The following PLCG2 variants were observed in gnomAD, a reference collection of about 807,000 sequenced individuals.
PLCG2 encodes phospholipase C gamma 2.
A neutral mutation model predicts 175.6 loss-of-function variants in PLCG2; 69 were observed. The ratio of observed to expected loss-of-function variants is 0.39; its 90% confidence interval spans 0.32 to 0.48. The LOEUF is 0.48. PLCG2 is among the 20% of genes least tolerant of loss of function. PLCG2 has a pLI of 0.91. For missense variants in PLCG2, 1,798 were observed against 1,650.9 expected (o/e 1.09, Z -1.54); for synonymous variants, 827 against 624.0 (o/e 1.33, Z -4.85).
At chr16:81,825,509 G>T (rs1597339766) in intron 2 of PLCG2, among the ~76,000 whole-genome samples, 2 of 151,922 alleles carry the variant, frequency 1.3e-5, no homozygotes, top group East Asian at 3.9e-4. Flanking sequence ...TGGCCAGGCT[G>T]GTCTCCAACT....
At chr16:81,864,307 C>A (rs946333610) in intron 5 of PLCG2, among the ~76,000 whole-genome samples, 3 of 152,134 alleles carry the variant, frequency 2.0e-5, no homozygotes, top group African/African-American at 2.4e-5. Context: ...AGCAGGGCAC[C>A]CCTCACCACA....
intron 31 of PLCG2, among the ~76,000 whole-genome samples, chr16:81,956,311 C>T (rs978750950): frequency 6.6e-6 from 1 of 152,104 alleles, no homozygotes; most frequent in African/African-American, 2.4e-5. Context: ...GTTTTTTTCT[C>T]CTCTGCTGGG....
At chr16:81,805,276 G>A (rs757640025) in intron 2 of PLCG2, among the ~76,000 whole-genome samples, 16 of 152,122 alleles carry the variant, frequency 1.1e-4, no homozygotes, top group Non-Finnish European at 1.5e-4. Flanking sequence ...AAGGTGGATG[G>A]ATCACAAGGT....
In PLCG2 at chr16:81,925,894, A is replaced by AG. The variant is rs60349380; in HGVS notation, c.2418-1188_2418-1187insG. 8.9e-4 allele frequency among the ~76,000 whole-genome samples: 112 copies of AG among 126,368 alleles called. 1 individual carries two copies. Among genetic ancestry groups the AG allele is most frequent in the African/African-American group, 2.0e-3 (68 of 34,770 alleles). 82.9% of individuals were successfully genotyped at this position (126,368 alleles called of 152,430 possible). ...GAGTGAGACTCTGTCTCAAAAAAAA[A>AG]AAAAAAAAAATCCAGAAGGATATCA... On this transcript the variant is annotated intron_variant, in intron 22 of 32. Coordinates refer to ENST00000564138, the MANE Select transcript of PLCG2 (RefSeq NM_002661.5).
chr16:81,832,619 G>T (rs533640216), intron 2 of PLCG2, among the ~76,000 whole-genome samples: 23 of 152,308 alleles, frequency 1.5e-4, no homozygotes, highest in African/African-American at 4.6e-4. Context: ...GCCCAGGCTG[G>T]TCTTAAACTG....
chr16:81,946,163 G>C lies in PLCG2; in HGVS notation c.3482-12G>C. Reference sequence around the variant, plus strand: ...TACCTGCCTTTGCATTTTCCTCCTTGTTCTGCTTCAGGATTCAGGTCCGTT... The same window carrying C: ...TACCTGCCTTTGCATTTTCCTCCTTCTTCTGCTTCAGGATTCAGGTCCGTT... On this transcript the variant is annotated splice_polypyrimidine_tract_variant and intron_variant, in intron 30 of 32. Transcript: ENST00000564138. The C allele has an allele frequency of 1.9e-6, 3 of 1,609,384 alleles. No individual in the cohort carries two copies. The highest frequency in any genetic ancestry group is 2.6e-6 in the Non-Finnish European group (3 of 1,175,840).
In PLCG2 at chr16:81,936,374, G is replaced by A. The variant is rs779321832; in HGVS notation, c.3048G>A (p.Thr1016=). The A allele has an allele frequency of 6.8e-6, 11 of 1,612,996 alleles. No homozygotes were observed. The highest frequency in any genetic ancestry group is 4.0e-5 in the African/African-American group (3 of 74,868). The part of the protein sequence containing the change: ...GSQMVALNFQ[T]ADKYMQMNHA... ...AGATGGTGGCACTCAATTTCCAGAC[G>A]GCAGGTAAAGGCCGACTGAAGGTAG... Residue 1016 remains threonine, a synonymous_variant, in exon 27 of 33, where the codon ACG becomes ACA. Transcript: ENST00000564138.
intron 25 of PLCG2, among the ~76,000 whole-genome samples, chr16:81,933,646 A>T (rs557932727): frequency 6.6e-6 from 1 of 152,104 alleles, no homozygotes; most frequent in East Asian, 1.9e-4. Flanking sequence ...AATGGAGATA[A>T]TTCTCCCTGT....
chr16:81,814,317 A>G (rs1420352953), intron 2 of PLCG2, among the ~76,000 whole-genome samples: 2 of 152,156 alleles, frequency 1.3e-5, no homozygotes, highest in Non-Finnish European at 2.9e-5. Context: ...GAGCTGAGAC[A>G]GGGGCAGAGA....
intron 1 of PLCG2, among the ~76,000 whole-genome samples, chr16:81,782,887 G>A (rs1156331631): frequency 6.6e-6 from 1 of 152,222 alleles, no homozygotes; most frequent in African/African-American, 2.4e-5. Flanking sequence ...CAAAGGAACG[G>A]TGTCAGCCAC....
At chr16:81,843,559 C>T (rs941703296) in intron 2 of PLCG2, among the ~76,000 whole-genome samples, 4 of 152,176 alleles carry the variant, frequency 2.6e-5, no homozygotes, top group Non-Finnish European at 5.9e-5. Context: ...CAATATTTTT[C>T]GCGTGAATAC....
chr16:81,948,176 A>C (rs981469796), intron 31 of PLCG2, among the ~76,000 whole-genome samples: 1 of 152,254 alleles, frequency 6.6e-6, no homozygotes, highest in African/African-American at 2.4e-5. Flanking sequence ...AAATCAAAGA[A>C]AAAAGGACCA....
At chr16:81,849,228 C>T (rs1906274671) in intron 2 of PLCG2, among the ~76,000 whole-genome samples, 1 of 152,118 alleles carries the variant, frequency 6.6e-6, no homozygotes, top group South Asian at 2.1e-4. Context: ...GGATAACGTA[C>T]TGCTTTAAGG....
rs1907408712 is a variant in PLCG2, at chr16:81,869,467, A to G, written c.564+169A>G. Among the ~76,000 whole-genome samples the G allele has an allele frequency of 2.0e-5, 3 of 152,210 alleles. No homozygotes were observed. In the South Asian group the frequency reaches 6.2e-4, roughly 32 times the overall value. ...GGGATCATGGACATATCTGAGGACC[A>G]TCGTCTCAATCCTAGCAGAGAATGT... On this transcript the variant is annotated intron_variant, in intron 6 of 32. Coordinates refer to ENST00000564138, the MANE Select transcript of PLCG2 (RefSeq NM_002661.5).
At chr16:81,785,837 A>G in intron 1 of PLCG2, 106 bp from the exon 2 acceptor site, 1 of 683,738 alleles carries the variant, frequency 1.5e-6, no homozygotes, top group Admixed American at 2.7e-5. Context: ...CCTAAAACTC[A>G]TCCTGATTGA....
At chr16:81,920,813 A>C (rs1910028766) in intron 20 of PLCG2, among the ~76,000 whole-genome samples, 1 of 152,090 alleles carries the variant, frequency 6.6e-6, no homozygotes, top group Non-Finnish European at 1.5e-5. Flanking sequence ...ACTTCCATGG[A>C]GGTCAGTTTC....
chr16:81,943,223 A>T (rs1388060312), intron 30 of PLCG2, among the ~76,000 whole-genome samples: 3 of 152,152 alleles, frequency 2.0e-5, no homozygotes, highest in Non-Finnish European at 4.4e-5. Flanking sequence ...GACATACCTG[A>T]GACTGGGTAA....
In PLCG2 at chr16:81,916,235, C is replaced by T. The variant is rs117233649; in HGVS notation, c.2055-3249C>T. Among the ~76,000 whole-genome samples the T allele has an allele frequency of 7.9e-4, 118 of 149,008 alleles. 2 individuals are homozygous for T. The East Asian group carries it at 0.012, about 15-fold the overall frequency. On this transcript the variant is annotated intron_variant, in intron 19 of 32. Transcript: ENST00000564138. ...ATTTTGTTTTTACAGGACTTTTTGA[C>T]GAAATCGCTTAAAGCAATATATTTT...
intron 15 of PLCG2, among the ~76,000 whole-genome samples, chr16:81,907,291 A>G (rs1391079712): frequency 6.6e-6 from 1 of 152,110 alleles, no homozygotes; most frequent in African/African-American, 2.4e-5. Flanking sequence ...ACCAGAGACT[A>G]AATTTCATCG....
Sources: allele counts gnomAD v4.1 joint callset (sites outside exome capture counted in the v4.1 genomes callset), GRCh38; gene constraint gnomAD v4.1.1; transcripts MANE v1.5; gene names NCBI Gene and HGNC (gene_info 2026-07-23, HGNC 2026-07-21).